Variants in SLC17A8 observed in about 807,000 individuals in gnomAD.
SLC17A8 encodes the protein solute carrier family 17 member 8, also known as vesicular glutamate transporter 3.
SLC17A8 carries 31 observed loss-of-function variants against 58.0 expected under a neutral mutation model. The observed-to-expected ratio is 0.53, with a 90% CI of 0.40 to 0.72. The LOEUF (loss-of-function observed/expected upper bound fraction) is 0.72. Among genes scored for constraint, SLC17A8 ranks in the 30% least tolerant of loss-of-function variants. SLC17A8 has a pLI of 0.00. For synonymous variants in SLC17A8, 228 were observed against 249.0 expected, an observed-to-expected ratio of 0.92 and a Z score of 0.79; for missense variants, 655 against 727.8, an observed-to-expected ratio of 0.90 and a Z score of 1.15.
At chr12:100,406,491 G>A (rs932652442) in intron 9 of SLC17A8, among the ~76,000 whole-genome samples, 22 of 152,086 alleles carry the variant, frequency 1.4e-4, no homozygotes, top group African/African-American at 5.3e-4. Flanking sequence ...TTTATTTGAA[G>A]TACATTGAGA....
chr12:100,396,262 A>C (rs1370792243), intron 4 of SLC17A8, 68 bp from the exon 5 acceptor site: 7 of 1,215,390 alleles, frequency 5.8e-6, no homozygotes, highest in Non-Finnish European at 8.6e-6. Flanking sequence ...AAGAAGCAGC[A>C]TCCATATTTT....
chr12:100,376,695 G>T (rs898463904), intron 1 of SLC17A8, among the ~76,000 whole-genome samples: 2 of 152,178 alleles, frequency 1.3e-5, no homozygotes, highest in Non-Finnish European at 1.5e-5. Context: ...CAGAGGGAGA[G>T]AACTGAATTT....
At chr12:100,384,868 CAG>C (rs142022786) in intron 2 of SLC17A8, among the ~76,000 whole-genome samples, 11 of 152,314 alleles carry the variant, frequency 7.2e-5, no homozygotes, top group African/African-American at 1.2e-4. Flanking sequence ...GCTTGCCCCA[CAG>C]AGTCTTTCAT....
chr12:100,391,992 A>G (rs2135995665), intron 3 of SLC17A8, among the ~76,000 whole-genome samples: 1 of 152,290 alleles, frequency 6.6e-6, no homozygotes. Flanking sequence ...ACCCAAGAAC[A>G]GAGTGAGCTG....
Position 100,400,998 on chromosome 12 carries a change from CTTTTTTTTTT to C in SLC17A8, c.677-767_677-758del, listed in dbSNP as rs4015907. Among the ~76,000 whole-genome samples the C allele has an allele frequency of 2.6e-4, 29 of 113,094 alleles. No individual in the cohort carries two copies. In the East Asian group the frequency reaches 5.2e-3, roughly 20 times the overall value. 74.2% of individuals were successfully genotyped at this position (113,094 alleles called of 152,430 possible). A position where few individuals can be genotyped will look rare whatever the true frequency, so the allele number is the denominator to read the frequency against. ...TGGAATTTAATTGTTCACCCCTCAC[CTTTTTTTTTT>C]TTTTTTTTTTTGATACAGTCACTCT... is the stretch of plus-strand genomic sequence containing the variant. On this transcript the variant is annotated intron_variant, in intron 5 of 11. Coordinates refer to ENST00000323346, the MANE Select transcript of SLC17A8 (RefSeq NM_139319.3).
At chr12:100,407,008 A>T (rs2081681589) in intron 9 of SLC17A8, among the ~76,000 whole-genome samples, 1 of 152,210 alleles carries the variant, frequency 6.6e-6, no homozygotes, top group African/African-American at 2.4e-5. Flanking sequence ...CAGAGCCAAC[A>T]GTTCTCATCT....
At chr12:100,419,708 C>T in intron 11 of SLC17A8, 107 bp from the exon 12 acceptor site, 2 of 1,086,644 alleles carry the variant, frequency 1.8e-6, no homozygotes, top group Middle Eastern at 2.1e-4. Flanking sequence ...TCTAGAGCAT[C>T]ACCTTCCAAA....
chr12:100,407,138 C>CT (rs1390311569), intron 9 of SLC17A8, among the ~76,000 whole-genome samples: 2 of 152,172 alleles, frequency 1.3e-5, no homozygotes, highest in Admixed American at 1.3e-4. Flanking sequence ...GTTAATGCTG[C>CT]TTTTTTTCTC....
chr12:100,364,297 A>C (rs1010704766), intron 1 of SLC17A8, among the ~76,000 whole-genome samples: 4 of 152,196 alleles, frequency 2.6e-5, no homozygotes, highest in African/African-American at 9.6e-5. Context: ...CATACATGGA[A>C]TATTTCAACC....
intron 1 of SLC17A8, among the ~76,000 whole-genome samples, chr12:100,368,989 T>C (rs573647220): frequency 6.6e-6 from 1 of 152,288 alleles, no homozygotes; most frequent in East Asian, 1.9e-4. Flanking sequence ...TGTTAAGAAT[T>C]GGGCTGGGGG....
chr12:100,407,716 C>G (rs1001483601), intron 9 of SLC17A8, among the ~76,000 whole-genome samples: 2 of 152,106 alleles, frequency 1.3e-5, no homozygotes, highest in African/African-American at 4.8e-5. Flanking sequence ...CACCATTCTC[C>G]TGCCTCAGCC....
chr12:100,361,323 C>T (rs549037673), intron 1 of SLC17A8, among the ~76,000 whole-genome samples: 2 of 152,338 alleles, frequency 1.3e-5, no homozygotes, highest in African/African-American at 4.8e-5. Flanking sequence ...TCTGGATTCA[C>T]CGGCCTCCTG....
Position 100,393,551 on chromosome 12 carries a change from T to G in SLC17A8, c.588+68T>G, listed in dbSNP as rs1031642220. 8.4e-6 allele frequency: 10 copies of G among 1,190,660 alleles called. No individual in the cohort carries two copies. The Admixed American group carries it at 1.4e-4, about 16-fold the overall frequency. The allele number at this position is 1,190,660 out of a possible 1,614,324, so 73.8% of individuals were successfully genotyped here. Reference sequence around the variant, plus strand: ...AGCGCAGTCCTTTAGAAAATTCACCTTCTGAAGAAAATCCCCTTTACTCAG... The same window carrying G: ...AGCGCAGTCCTTTAGAAAATTCACCGTCTGAAGAAAATCCCCTTTACTCAG... On this transcript the variant is annotated intron_variant, in intron 4 of 11. Coordinates refer to ENST00000323346, the MANE Select transcript of SLC17A8 (RefSeq NM_139319.3).
chr12:100,367,986 A>C (rs1952532093), intron 1 of SLC17A8, among the ~76,000 whole-genome samples: 1 of 152,184 alleles, frequency 6.6e-6, no homozygotes, highest in Non-Finnish European at 1.5e-5. Flanking sequence ...TATTTTGTTT[A>C]AGTTTCCAAG....
At chr12:100,368,785 G>A (rs1032206353) in intron 1 of SLC17A8, among the ~76,000 whole-genome samples, 3 of 152,146 alleles carry the variant, frequency 2.0e-5, no homozygotes, top group African/African-American at 7.2e-5. Context: ...GCTTCTTAAA[G>A]GTTAGTAAGG....
intron 1 of SLC17A8, among the ~76,000 whole-genome samples, chr12:100,367,795 C>T (rs1045993085): frequency 6.6e-6 from 1 of 152,198 alleles, no homozygotes; most frequent in Non-Finnish European, 1.5e-5. Flanking sequence ...TCAAGCCATC[C>T]TCCCACCTCA....
At chr12:100,359,307 A>C (rs1592983855) in intron 1 of SLC17A8, among the ~76,000 whole-genome samples, 1 of 152,092 alleles carries the variant, frequency 6.6e-6, no homozygotes, top group Non-Finnish European at 1.5e-5. Flanking sequence ...GCTTTTTTCA[A>C]TAGGAATTAT....
At chr12:100,401,941 T>A (rs1952794225) in intron 6 of SLC17A8, 78 bp downstream of exon 6, 2 of 1,086,316 alleles carry the variant, frequency 1.8e-6, no homozygotes, top group Admixed American at 3.4e-5. Flanking sequence ...GGCTCAGAGT[T>A]CATTACATCA....
rs139289312 is a variant in SLC17A8, at chr12:100,409,665, A to G, written c.1187-3105A>G. Among the ~76,000 whole-genome samples, 439 of 152,310 alleles carry G rather than the reference A, an allele frequency of 2.9e-3. 4 individuals carry two copies. Among genetic ancestry groups the G allele is most frequent in the Non-Finnish European group, 4.9e-3 (335 of 68,020 alleles). ...AGGGTAGGGAGAGGGTTGTTAGGGA[A>G]GCTTTCTAGAGGAGGCACTATTTAA... is the stretch of plus-strand genomic sequence containing the variant. On this transcript the variant is annotated intron_variant, in intron 9 of 11. Transcript: ENST00000323346.
Sources: allele counts gnomAD v4.1 joint callset (sites outside exome capture counted in the v4.1 genomes callset), GRCh38; gene constraint gnomAD v4.1.1; transcripts MANE v1.5; gene names NCBI Gene and HGNC (gene_info 2026-07-23, HGNC 2026-07-21).